The following PRKAR2B variants were observed in gnomAD, a reference collection of about 807,000 sequenced individuals.
PRKAR2B encodes the protein cAMP-dependent protein kinase type II-beta regulatory subunit.
PRKAR2B carries 14 observed loss-of-function variants against 49.9 expected under a neutral mutation model. The observed-to-expected ratio is 0.28, with a 90% confidence interval of 0.19 to 0.44. PRKAR2B has a LOEUF of 0.44. Ranked by LOEUF, PRKAR2B falls within the 20% of genes least tolerant of loss-of-function variation. The pLI is 1.00. For synonymous variants in PRKAR2B, 196 were observed against 197.7 expected (o/e 0.99, Z 0.07); for missense variants, 393 against 537.9 (o/e 0.73, Z 2.67).
chr7:107,045,320 G>A (rs907092963), intron 1 of PRKAR2B, 106 bp downstream of exon 1: 11 of 964,482 alleles, frequency 1.1e-5, no homozygotes, highest in African/African-American at 1.1e-4. Flanking sequence ...ACCTCTCCCC[G>A]CATTCTCCAC....
intron 5 of PRKAR2B, among the ~76,000 whole-genome samples, chr7:107,145,733 ATTTTTTTTTT>A (rs916332834): frequency 4.3e-5 from 4 of 93,438 alleles, no homozygotes; most frequent in Admixed American, 1.2e-4. Flanking sequence ...TCTTCAGATG[ATTTTTTTTTT>A]TTTTTTTTTT....
chr7:107,139,442 C>G (rs909500933), intron 4 of PRKAR2B, among the ~76,000 whole-genome samples: 8 of 152,180 alleles, frequency 5.3e-5, no homozygotes, highest in Non-Finnish European at 2.9e-5. Context: ...GGCTGCTAGG[C>G]ATTCTGTATT....
intron 5 of PRKAR2B, among the ~76,000 whole-genome samples, chr7:107,142,874 T>A (rs1177016786): frequency 6.6e-6 from 1 of 152,024 alleles, no homozygotes; most frequent in Non-Finnish European, 1.5e-5. Context: ...GCGATTCTCC[T>A]GCCTCAGCCT....
chr7:107,089,807 G>C (rs1312296842), intron 2 of PRKAR2B, among the ~76,000 whole-genome samples: 1 of 152,122 alleles, frequency 6.6e-6, no homozygotes, highest in Non-Finnish European at 1.5e-5. Flanking sequence ...TTCTCTACTA[G>C]CACAGATAAG....
intron 2 of PRKAR2B, among the ~76,000 whole-genome samples, chr7:107,106,821 A>G (rs1795082549): frequency 2.0e-5 from 3 of 151,716 alleles, no homozygotes; most frequent in Non-Finnish European, 1.5e-5. Context: ...CAGGGGAGAG[A>G]GTGTGGCCCT....
At chr7:107,137,888 A>G (rs550440235) in intron 4 of PRKAR2B, among the ~76,000 whole-genome samples, 1 of 152,208 alleles carries the variant, frequency 6.6e-6, no homozygotes, top group South Asian at 2.1e-4. Context: ...AGTGTTCTAA[A>G]AATACATTAT....
At chr7:107,050,639 G>A (rs188887211) in intron 1 of PRKAR2B, among the ~76,000 whole-genome samples, 56 of 152,134 alleles carry the variant, frequency 3.7e-4, no homozygotes, top group Middle Eastern at 3.4e-3. Flanking sequence ...GTGGAGGTTG[G>A]GGAATGATGG....
chr7:107,139,632 G>A (rs1317857816), intron 4 of PRKAR2B, among the ~76,000 whole-genome samples: 1 of 152,168 alleles, frequency 6.6e-6, no homozygotes, highest in Admixed American at 6.5e-5. Context: ...TCACCTGTGC[G>A]ACTTGGGGCA....
At chr7:107,146,161 G>T in intron 5 of PRKAR2B, 147 bp from the exon 6 acceptor site, 1 of 786,150 alleles carries the variant, frequency 1.3e-6, no homozygotes. Context: ...TGGAACAGAT[G>T]GCACAGATTG....
At chr7:107,085,085 AAAAG>A (rs1251868037) in intron 2 of PRKAR2B, among the ~76,000 whole-genome samples, 2 of 152,158 alleles carry the variant, frequency 1.3e-5, no homozygotes, top group Non-Finnish European at 2.9e-5. Context: ...TATGAAAAAT[AAAAG>A]ATCTACTTGT....
At chr7:107,149,732 A>G (rs1223345825) in intron 6 of PRKAR2B, among the ~76,000 whole-genome samples, 1 of 152,168 alleles carries the variant, frequency 6.6e-6, no homozygotes, top group Non-Finnish European at 1.5e-5. Context: ...TCTCCATTGC[A>G]CTAGTTCATT....
intron 2 of PRKAR2B, among the ~76,000 whole-genome samples, chr7:107,102,493 T>G (rs867021861): frequency 1.8e-4 from 27 of 152,228 alleles, no homozygotes; most frequent in African/African-American, 5.8e-4. Context: ...ACGCTGTTGC[T>G]CTAATAAATT....
At chr7:107,082,799 G>A (rs1035379589) in intron 2 of PRKAR2B, among the ~76,000 whole-genome samples, 4 of 152,090 alleles carry the variant, frequency 2.6e-5, no homozygotes, top group Non-Finnish European at 5.9e-5. Context: ...GTTTGACCAT[G>A]TTGTCAAGGT....
chr7:107,114,717 T>A (rs959230775), intron 2 of PRKAR2B, among the ~76,000 whole-genome samples: 14 of 151,942 alleles, frequency 9.2e-5, no homozygotes, highest in African/African-American at 3.4e-4. Context: ...AAGAGCAAAT[T>A]TTTATTTGTT....
At chr7:107,079,461 CA>C (rs1794473492) in intron 2 of PRKAR2B, 1 of 151,446 alleles carries the variant, frequency 6.6e-6, no homozygotes, top group South Asian at 2.1e-4. Context: ...AAAAAACAAA[CA>C]TACCTTATTT....
chr7:107,129,095 A>C (rs906121216), intron 4 of PRKAR2B: 2 of 152,208 alleles, frequency 1.3e-5, no homozygotes, highest in African/African-American at 2.4e-5. Flanking sequence ...CCTAGAGGAG[A>C]AGCATTAAAT....
intron 7 of PRKAR2B, among the ~76,000 whole-genome samples, chr7:107,151,819 CAAAATT>C (rs1166477636): frequency 1.3e-5 from 2 of 152,098 alleles, no homozygotes; most frequent in African/African-American, 4.8e-5. Context: ...GATCGAAACT[CAAAATT>C]AGAAGTATAG....
intron 2 of PRKAR2B, among the ~76,000 whole-genome samples, chr7:107,121,297 T>C (rs928199170): frequency 2.6e-5 from 4 of 152,162 alleles, no homozygotes; most frequent in Non-Finnish European, 5.9e-5. Context: ...GCAAAGTTGT[T>C]TTAATATAAG....
intron 4 of PRKAR2B, among the ~76,000 whole-genome samples, chr7:107,138,889 G>C (rs559104032): frequency 6.6e-6 from 1 of 152,148 alleles, no homozygotes; most frequent in Admixed American, 6.5e-5. Context: ...ATGTTGCCCA[G>C]GCTGGTCTCA....
Sources: allele counts gnomAD v4.1 joint callset (sites outside exome capture counted in the v4.1 genomes callset), GRCh38; gene constraint gnomAD v4.1.1; transcripts MANE v1.5; gene names NCBI Gene and HGNC (gene_info 2026-07-23, HGNC 2026-07-21).